Variants in STK3 observed in about 807,000 individuals in gnomAD.
STK3 encodes the protein serine/threonine-protein kinase 3.
A neutral mutation model predicts 58.0 loss-of-function variants in STK3; 41 were observed. The observed-to-expected ratio is 0.71, with a 90% CI of 0.55 to 0.92. The LOEUF is 0.92. Among genes scored for constraint, STK3 ranks in the 40% least tolerant of loss-of-function variants. The pLI, the probability that STK3 is intolerant of heterozygous loss-of-function variation, is 0.00. For missense variants in STK3, 479 were observed against 602.7 expected, an observed-to-expected ratio of 0.79 and a Z score of 2.15; for synonymous variants, 170 against 191.0, an observed-to-expected ratio of 0.89 and a Z score of 0.91.
Position 98,428,443 on chromosome 8 carries a change from A to G in STK3, n.483+5684T>C. 6.2e-7 allele frequency: 1 copy of G among 1,614,130 alleles called. No homozygotes were observed. ...TCCTTCGATGAGATCCTTGCCTTCT[A>G]CAACGACGCCTCCAAGTTCGATGGG... On this transcript the variant is annotated intron_variant and non_coding_transcript_variant, in intron 3 of 3. Transcript: ENST00000517832. The surrounding 1 kb of genome is among the most constrained non-coding windows in gnomAD (Gnocchi z 6.7).
At chr8:98,459,746 G>A (rs575906660) in intron 10 of STK3, among the ~76,000 whole-genome samples, 9 of 152,226 alleles carry the variant, frequency 5.9e-5, no homozygotes, top group Non-Finnish European at 7.3e-5. Context: ...GGTACAGCTC[G>A]GGCCATGGCT....
intron 4 of STK3, among the ~76,000 whole-genome samples, chr8:98,738,523 G>A (rs902777256): frequency 6.6e-6 from 1 of 151,982 alleles, no homozygotes; most frequent in Non-Finnish European, 1.5e-5. Flanking sequence ...TTATAAGAGA[G>A]ATCAAGGAAA....
chr8:98,927,375 T>C (rs1358366754), intron 1 of STK3, among the ~76,000 whole-genome samples: 1 of 152,204 alleles, frequency 6.6e-6, no homozygotes, highest in Non-Finnish European at 1.5e-5. Flanking sequence ...GGTGGGACTA[T>C]GTCTCAGATC....
chr8:98,478,246 G>T (rs1162623181), intron 10 of STK3, among the ~76,000 whole-genome samples: 5 of 152,310 alleles, frequency 3.3e-5, no homozygotes, highest in African/African-American at 1.2e-4. Context: ...TGATCCCTAT[G>T]TATCTACTGA....
chr8:98,404,454 G>A (rs1420534230), intron 3 of STK3, among the ~76,000 whole-genome samples: 1 of 152,138 alleles, frequency 6.6e-6, no homozygotes, highest in African/African-American at 2.4e-5. Flanking sequence ...GCCGAGACGG[G>A]TGGATCACGA....
chr8:98,347,739 T>C, the STK3 span, among the ~76,000 whole-genome samples: 1 of 152,172 alleles, frequency 6.6e-6, no homozygotes, highest in Non-Finnish European at 1.5e-5. Context: ...GACCTATATG[T>C]TGCCTATAGG....
In STK3 at chr8:98,455,760, G is replaced by A. The variant is rs2131135557; in HGVS notation, c.*82C>T. ...GCCTAATTGTAGGGCAAAATCTTAG[G>A]ATTAAAAATATCCAAATATTCCTTC... On this transcript the variant is annotated 3_prime_UTR_variant, in exon 11 of 11. Transcript: ENST00000419617. 1 of 1,535,080 alleles carries A rather than the reference G, an allele frequency of 6.5e-7. No homozygotes were observed. Among genetic ancestry groups the A allele is most frequent in the Non-Finnish European group, 8.8e-7 (1 of 1,132,966 alleles).
intron 1 of STK3, among the ~76,000 whole-genome samples, chr8:98,939,749 C>T (rs1391533206): frequency 6.6e-6 from 1 of 152,258 alleles, no homozygotes; most frequent in Non-Finnish European, 1.5e-5. Flanking sequence ...GGTTTGCAGA[C>T]CGTGCCCTAG....
rs1276152493 is a variant in STK3 at position 98,428,666 on chromosome 8, C to G, written n.483+5461G>C. On this transcript the variant is annotated intron_variant and non_coding_transcript_variant, in intron 3 of 3. Transcript: ENST00000517832. The surrounding 1 kb of genome is among the most constrained non-coding windows in gnomAD (Gnocchi z 6.7). ...CTGGCGAGGACCCTAGGTTCGAAAT[C>G]GTGGAGCACTTTGGCATTGCCTGGT... The G allele has an allele frequency of 6.2e-7, 1 of 1,614,212 alleles. No homozygotes were observed. The highest frequency in any genetic ancestry group is 1.1e-5 in the South Asian group (1 of 91,088).
chr8:98,490,608 A>G (rs1219667685), intron 10 of STK3, among the ~76,000 whole-genome samples: 2 of 152,186 alleles, frequency 1.3e-5, no homozygotes, highest in Non-Finnish European at 2.9e-5. Context: ...TGTTTTGCTA[A>G]TTTTTTAAAT....
At chr8:98,770,543 T>C (rs1476928000) in intron 2 of STK3, among the ~76,000 whole-genome samples, 1 of 152,108 alleles carries the variant, frequency 6.6e-6, no homozygotes, top group Non-Finnish European at 1.5e-5. Context: ...GACTCAAAAG[T>C]GGCCCATATT....
intron 1 of STK3, among the ~76,000 whole-genome samples, chr8:98,893,066 T>C (rs935238744): frequency 5.3e-5 from 8 of 152,108 alleles, no homozygotes; most frequent in African/African-American, 1.9e-4. Context: ...CTATTGGGAT[T>C]GCTTAGATAG....
intron 3 of STK3, among the ~76,000 whole-genome samples, chr8:98,396,320 A>G (rs1348877590): frequency 6.6e-6 from 1 of 152,262 alleles, no homozygotes; most frequent in Non-Finnish European, 1.5e-5. Flanking sequence ...GAAATTCAAC[A>G]TATTGCCCTA....
chr8:98,508,618 G>A (rs1465292775), intron 10 of STK3, among the ~76,000 whole-genome samples: 1 of 152,088 alleles, frequency 6.6e-6, no homozygotes, highest in East Asian at 1.9e-4. Flanking sequence ...CTTTAAATGG[G>A]TGAGTTATAT....
intron 4 of STK3, among the ~76,000 whole-genome samples, chr8:98,713,362 G>C (rs1267999007): frequency 6.6e-6 from 1 of 151,930 alleles, no homozygotes; most frequent in Non-Finnish European, 1.5e-5. Flanking sequence ...TTTTTGAAAA[G>C]AGCAACAAAA....
In STK3 at chr8:98,848,449, G is replaced by A. The variant is rs62532594; in HGVS notation, c.110+35198C>T. Among the ~76,000 whole-genome samples, 1,249 of 152,042 alleles carry A rather than the reference G, an allele frequency of 8.2e-3. 8 individuals are homozygous for A. The highest frequency in any genetic ancestry group is 0.013 in the Non-Finnish European group (852 of 67,974). The stretch of plus-strand genomic sequence containing the variant: ...TTTTTAGTAGAGATGGGGCTTCTCC[G>A]TGTTGGTAAGGCTGGTCTCGAACTC... On this transcript the variant is annotated intron_variant, in intron 3 of 12. Coordinates refer to the STK3 transcript ENST00000523601.
At chr8:98,784,205 G>A (rs1832307026) in intron 1 of STK3, among the ~76,000 whole-genome samples, 1 of 152,220 alleles carries the variant, frequency 6.6e-6, no homozygotes. Context: ...TTTTAAATGT[G>A]GGTGCATGCA....
chr8:98,600,706 T>G (rs1456720240), intron 6 of STK3, among the ~76,000 whole-genome samples: 1 of 152,166 alleles, frequency 6.6e-6, no homozygotes, highest in African/African-American at 2.4e-5. Flanking sequence ...TTTTACTGTC[T>G]CTAACGGTGG....
intron 10 of STK3, among the ~76,000 whole-genome samples, chr8:98,490,584 G>A (rs1822609250): frequency 6.6e-6 from 1 of 152,096 alleles, no homozygotes; most frequent in African/African-American, 2.4e-5. Context: ...TAAGTTCCTT[G>A]AAGGCAAAAA....
Sources: allele counts gnomAD v4.1 joint callset (sites outside exome capture counted in the v4.1 genomes callset), GRCh38; gene constraint gnomAD v4.1.1; non-coding constraint Gnocchi (gnomAD v3.1); transcripts MANE v1.5; gene names NCBI Gene and HGNC (gene_info 2026-07-23, HGNC 2026-07-21).